Variants in MSN observed in about 807,000 individuals in gnomAD.
The protein encoded by MSN is epididymis luminal protein 70.
Under a neutral mutation model 48.0 loss-of-function variants are expected in MSN, and 2 were observed. That is an observed-to-expected ratio of 0.04 (90% CI 0.02 to 0.13). MSN has a LOEUF of 0.13. Ranked by LOEUF, MSN falls within the 10% of genes least tolerant of loss-of-function variation. The pLI is 1.00. For missense variants in MSN, 267 were observed against 470.1 expected, an observed-to-expected ratio of 0.57 and a Z score of 3.99; for synonymous variants, 146 against 166.9, an observed-to-expected ratio of 0.87 and a Z score of 0.97.
At chrX:65,636,163 G>A (rs181412005) in intron 1 of MSN, among the ~76,000 whole-genome samples, 3 of 111,144 alleles carry the variant, frequency 2.7e-5, no homozygotes, top group African/African-American at 6.5e-5. Flanking sequence ...TCATATTTTC[G>A]GGTGGGGTGC....
chrX:65,607,272 T>C (rs919460097), intron 1 of MSN, among the ~76,000 whole-genome samples: 2 of 111,837 alleles, frequency 1.8e-5, no homozygotes, highest in African/African-American at 6.5e-5. Context: ...CACTATAACA[T>C]ACTGCTTTTG....
intron 1 of MSN, among the ~76,000 whole-genome samples, chrX:65,616,851 G>A (rs1219924461): frequency 6.5e-4 from 71 of 110,070 alleles, no homozygotes; most frequent in Non-Finnish European, 1.2e-3. Context: ...GTTTGTCATA[G>A]ATAGCTCTTA....
intron 1 of MSN, among the ~76,000 whole-genome samples, chrX:65,606,874 A>G (rs2070283129): frequency 8.9e-6 from 1 of 112,532 alleles, no homozygotes; most frequent in Non-Finnish European, 1.9e-5. Context: ...AACAGTCACT[A>G]TTTGCAAGTT....
At chrX:65,597,373 G>T (rs1049833986) in intron 1 of MSN, among the ~76,000 whole-genome samples, 2 of 106,698 alleles carry the variant, frequency 1.9e-5, no homozygotes, top group East Asian at 3.0e-4. Flanking sequence ...TTGAGACAGG[G>T]TCTGGCCCTA....
intron 2 of MSN, among the ~76,000 whole-genome samples, chrX:65,723,925 A>G (rs961326455): frequency 1.2e-4 from 13 of 111,368 alleles, no homozygotes. Flanking sequence ...TTTAAGCCCT[A>G]GAGCCTAAGG....
intron 1 of MSN, among the ~76,000 whole-genome samples, chrX:65,606,952 T>A (rs997974437): frequency 8.9e-6 from 1 of 112,697 alleles, no homozygotes; most frequent in African/African-American, 3.2e-5. Context: ...TATATTCCAG[T>A]GGGTCACACA....
chrX:65,650,907 A>G (rs1184669899), intron 1 of MSN, among the ~76,000 whole-genome samples: 2 of 111,149 alleles, frequency 1.8e-5, no homozygotes, highest in Non-Finnish European at 1.9e-5. Context: ...CTCTCTTCAA[A>G]GCCAGCAATA....
intron 9 of MSN, 56 bp from the exon 10 acceptor site, chrX:65,737,122 T>C: frequency 8.6e-7 from 1 of 1,161,483 alleles, no homozygotes; most frequent in Non-Finnish European, 1.2e-6. Flanking sequence ...ACGAAGCTAT[T>C]GTGTCGTCTT....
At chrX:65,641,932 C>T (rs57743075) in intron 1 of MSN, among the ~76,000 whole-genome samples, 1,372 of 108,018 alleles carry the variant, frequency 0.013, 20 homozygotes, top group African/African-American at 0.043. Flanking sequence ...GTTGGGAGTT[C>T]GAGACCAGCG....
At chrX:65,624,404 T>C (rs2070484219) in intron 1 of MSN, among the ~76,000 whole-genome samples, 2 of 110,764 alleles carry the variant, frequency 1.8e-5, no homozygotes, top group African/African-American at 3.3e-5. Flanking sequence ...TCCCTCTTTC[T>C]TCTATTGTCA....
chrX:65,703,601 C>A (rs1019597149), intron 1 of MSN, among the ~76,000 whole-genome samples: 2 of 111,016 alleles, frequency 1.8e-5, no homozygotes, highest in Admixed American at 9.6e-5. Context: ...CTCTCTGTTG[C>A]ACAGGATAGA....
rs1602881132 is a variant in MSN, at chrX:65,741,844, T to A, written c.*1951T>A. On this transcript the variant is annotated 3_prime_UTR_variant, in exon 13 of 13. Coordinates refer to ENST00000360270, the MANE Select transcript of MSN (RefSeq NM_002444.3). ...TTGTATTCAGGGGTTTTTTGTGTAC[T>A]TTTTGGGTTTTTTAAAAATTGTTTT... 6.1e-6 allele frequency: 1 copy of A among 163,308 alleles called. No individual in the cohort carries two copies. Among genetic ancestry groups the A allele is most frequent in the East Asian group, 9.0e-5 (1 of 11,102 alleles). 13.5% of individuals were successfully genotyped at this position (163,308 alleles called of 1,213,427 possible).
chrX:65,597,435 C>T (rs746426543), intron 1 of MSN, among the ~76,000 whole-genome samples: 10 of 110,772 alleles, frequency 9.0e-5, no homozygotes, highest in African/African-American at 3.3e-4. Flanking sequence ...CAGCCTCAAC[C>T]TCCTGAGCTC....
chrX:65,722,404 CGTGT>C (rs55900091), intron 2 of MSN, among the ~76,000 whole-genome samples: 1,181 of 94,594 alleles, frequency 0.012, 14 homozygotes, highest in South Asian at 0.034. Flanking sequence ...CGTGCACGCT[CGTGT>C]GTGTGTGTGT....
At chrX:65,718,277 G>C (rs6525003) in intron 2 of MSN, among the ~76,000 whole-genome samples, 26,288 of 109,347 alleles carry the variant, frequency 0.24, 7,693 homozygotes, top group African/African-American at 0.83. Flanking sequence ...CCCTCCCCCC[G>C]AGAAATATCT....
intron 1 of MSN, among the ~76,000 whole-genome samples, chrX:65,616,918 A>C (rs376401760): frequency 2.7e-5 from 3 of 110,502 alleles, no homozygotes; most frequent in Non-Finnish European, 5.7e-5. Context: ...TAGCATGAAG[A>C]GTTGTTGAAT....
intron 6 of MSN, 37 bp from the exon 7 acceptor site, chrX:65,733,147 G>A: frequency 9.0e-7 from 1 of 1,111,774 alleles, no homozygotes; most frequent in Non-Finnish European, 1.2e-6. Flanking sequence ...TTCTTGTCTT[G>A]CCCTTGTCCT....
chrX:65,703,573 T>G (rs1230297487), intron 1 of MSN, among the ~76,000 whole-genome samples: 1 of 110,679 alleles, frequency 9.0e-6, no homozygotes, highest in Non-Finnish European at 1.9e-5. Flanking sequence ...TGTTTTTTGT[T>G]TTTTTTTGAC....
chrX:65,612,272 C>T (rs1235976872), intron 1 of MSN, among the ~76,000 whole-genome samples: 3 of 111,262 alleles, frequency 2.7e-5, no homozygotes, highest in Non-Finnish European at 5.7e-5. Context: ...TCTAGCCTTC[C>T]ACTATGTGAT....
Sources: allele counts gnomAD v4.1 joint callset (sites outside exome capture counted in the v4.1 genomes callset), GRCh38; gene constraint gnomAD v4.1.1; transcripts MANE v1.5; gene names NCBI Gene and HGNC (gene_info 2026-07-23, HGNC 2026-07-21).